GRIK2: variants seen among roughly 807,000 people sequenced by gnomAD.
The protein encoded by GRIK2 is glutamate receptor ionotropic, kainate 2.
A neutral mutation model predicts 100.3 loss-of-function variants in GRIK2; 32 were observed. That is an observed-to-expected ratio of 0.32 (90% CI 0.24 to 0.43). GRIK2 has a LOEUF of 0.43. Ranked by LOEUF, GRIK2 falls within the 20% of genes least tolerant of loss-of-function variation. The probability of loss-of-function intolerance (pLI) is 1.00; values close to 1 mark genes in which losing one functional copy is unlikely to be tolerated. For missense variants in GRIK2, 843 were observed against 1,114.9 expected, an observed-to-expected ratio of 0.76 and a Z score of 3.47; for synonymous variants, 417 against 389.4, an observed-to-expected ratio of 1.07 and a Z score of -0.83.
chr6:101,473,149 C>CTTCT (rs377227891), intron 2 of GRIK2, among the ~76,000 whole-genome samples: 1 of 116,670 alleles, frequency 8.6e-6, no homozygotes, highest in Non-Finnish European at 1.8e-5. Context: ...TCCTTCCTTC[C>CTTCT]TTCTTTCCTT....
rs1034811684 is a variant in GRIK2 at position 101,592,952 on chromosome 6, G to A, written c.116-28997G>A. ...AATGAGCCACATTAATTATTTGCTG[G>A]AACAAATAAAAACAAATTACCAGAT... On this transcript the variant is annotated intron_variant, in intron 2 of 16. Coordinates refer to ENST00000369134, the MANE Select transcript of GRIK2 (RefSeq NM_021956.5). 2.6e-5 allele frequency among the ~76,000 whole-genome samples: 4 copies of A among 151,688 alleles called. No homozygotes were observed. In the Admixed American group the frequency reaches 2.6e-4, roughly 10 times the overall value.
chr6:101,784,418 C>T (rs1219714992), intron 7 of GRIK2, among the ~76,000 whole-genome samples: 1 of 152,220 alleles, frequency 6.6e-6, no homozygotes, highest in East Asian at 1.9e-4. Flanking sequence ...GCGGAAGGGA[C>T]TTGCCTTGTC....
chr6:101,999,674 A>G (rs1485963071), intron 14 of GRIK2, among the ~76,000 whole-genome samples: 2 of 152,086 alleles, frequency 1.3e-5, no homozygotes, highest in Non-Finnish European at 2.9e-5. Flanking sequence ...AAATGACTAT[A>G]TAAGTTTTTT....
chr6:101,841,881 A>G (rs1342133626), intron 10 of GRIK2, among the ~76,000 whole-genome samples: 1 of 152,152 alleles, frequency 6.6e-6, no homozygotes, highest in Non-Finnish European at 1.5e-5. Flanking sequence ...ACCTGGATTT[A>G]ATATCTAACT....
chr6:101,862,010 A>G (rs1436130983), intron 11 of GRIK2, among the ~76,000 whole-genome samples: 1 of 152,160 alleles, frequency 6.6e-6, no homozygotes, highest in Non-Finnish European at 1.5e-5. Flanking sequence ...AATTTTATGG[A>G]GGGGCAATAA....
At chr6:102,034,778 T>G (rs1770175377) in intron 14 of GRIK2, among the ~76,000 whole-genome samples, 1 of 151,402 alleles carries the variant, frequency 6.6e-6, no homozygotes, top group Non-Finnish European at 1.5e-5. Flanking sequence ...TGTAGACATC[T>G]TTATTTGTAA....
At position 101,510,526 on chromosome 6, in the gene GRIK2, T is replaced by G. The variant is rs1421577477; in HGVS notation, c.115+111134T>G. On this transcript the variant is annotated intron_variant, in intron 2 of 16. Coordinates refer to ENST00000369134, the MANE Select transcript of GRIK2 (RefSeq NM_021956.5). ...AGTTGGGGAGTTTTTTTTTTTTTTT[T>G]TTTTTTTTTTTTTTGAGATTGAGTC... Among the ~76,000 whole-genome samples, 266 of 141,134 alleles carry G rather than the reference T, an allele frequency of 1.9e-3. 4 individuals are homozygous for G. The highest frequency in any genetic ancestry group is 6.8e-3 in the African/African-American group (258 of 37,778). The allele number at this position is 141,134 out of a possible 152,430, so 92.6% of individuals were successfully genotyped here. A position where few individuals can be genotyped will look rare whatever the true frequency, so the allele number is the denominator to read the frequency against.
intron 7 of GRIK2, among the ~76,000 whole-genome samples, chr6:101,770,392 C>T (rs1341383504): frequency 2.0e-5 from 3 of 152,102 alleles, no homozygotes; most frequent in Non-Finnish European, 4.4e-5. Context: ...GTTATTTTTC[C>T]TGAGTAAAGT....
rs536194496 is a variant in GRIK2, at chr6:101,855,558, A to C, written c.1318-3729A>C. ...ATCAATCAATCAATCAATCAATAAA[A>C]AGGCAGTGCAAAGAGCCAAGACGTG... On this transcript the variant is annotated intron_variant, in intron 10 of 16. Transcript: ENST00000369134. Among the ~76,000 whole-genome samples, 5 of 152,282 alleles carry C rather than the reference A, an allele frequency of 3.3e-5. No homozygotes were observed. The South Asian group carries it at 1.0e-3, about 32-fold the overall frequency.
intron 11 of GRIK2, among the ~76,000 whole-genome samples, chr6:101,888,340 A>G (rs1169357979): frequency 1.3e-5 from 2 of 152,178 alleles, no homozygotes; most frequent in African/African-American, 4.8e-5. Context: ...AGGAAATAAT[A>G]GTAGGATTAT....
At chr6:102,061,706 G>A (rs915107801) in intron 16 of GRIK2, among the ~76,000 whole-genome samples, 3 of 150,362 alleles carry the variant, frequency 2.0e-5, no homozygotes, top group African/African-American at 7.3e-5. Flanking sequence ...GAATAAACAA[G>A]TTATGAATCC....
chr6:101,701,544 G>A (rs1358615299), intron 7 of GRIK2, among the ~76,000 whole-genome samples: 2 of 151,952 alleles, frequency 1.3e-5, no homozygotes, highest in Non-Finnish European at 2.9e-5. Flanking sequence ...AAAGGAAAAG[G>A]GAAGTGAATA....
At chr6:101,509,736 C>G (rs2128277510) in intron 2 of GRIK2, among the ~76,000 whole-genome samples, 1 of 152,266 alleles carries the variant, frequency 6.6e-6, no homozygotes, top group East Asian at 1.9e-4. Flanking sequence ...TATTCATAAT[C>G]AAATAGAAAG....
intron 9 of GRIK2, among the ~76,000 whole-genome samples, chr6:101,818,063 T>A (rs1475561226): frequency 6.6e-6 from 1 of 152,134 alleles, no homozygotes. Context: ...CATTAATGAG[T>A]TTCTAGCCAG....
intron 14 of GRIK2, among the ~76,000 whole-genome samples, chr6:101,994,849 C>G (rs905605018): frequency 7.2e-5 from 11 of 151,824 alleles, no homozygotes; most frequent in African/African-American, 2.7e-4. Context: ...GCAACCATAA[C>G]TATAGCTCAC....
At chr6:101,762,528 G>T (rs1169757761) in intron 7 of GRIK2, among the ~76,000 whole-genome samples, 2 of 151,880 alleles carry the variant, frequency 1.3e-5, no homozygotes, top group African/African-American at 4.8e-5. Context: ...CCACCATCCA[G>T]CCCCAATTTC....
intron 10 of GRIK2, among the ~76,000 whole-genome samples, chr6:101,835,527 G>A (rs571400206): frequency 7.6e-6 from 1 of 131,786 alleles, no homozygotes; most frequent in Admixed American, 8.7e-5. Flanking sequence ...CAGGATTGTA[G>A]TGGCATGACC....
At chr6:101,902,709 A>T (rs894538795) in intron 12 of GRIK2, among the ~76,000 whole-genome samples, 16 of 151,868 alleles carry the variant, frequency 1.1e-4, no homozygotes, top group African/African-American at 3.9e-4. Flanking sequence ...AATTTTTTTA[A>T]CTACAACATA....
intron 16 of GRIK2, among the ~76,000 whole-genome samples, chr6:102,059,648 A>G (rs995617347): frequency 6.6e-6 from 1 of 151,028 alleles, no homozygotes; most frequent in Non-Finnish European, 1.5e-5. Flanking sequence ...GAATTATAAG[A>G]TATAATAATT....
Sources: allele counts gnomAD v4.1 joint callset (sites outside exome capture counted in the v4.1 genomes callset), GRCh38; gene constraint gnomAD v4.1.1; transcripts MANE v1.5; gene names NCBI Gene and HGNC (gene_info 2026-07-23, HGNC 2026-07-21).